Variants in RYR3 observed in about 807,000 individuals in gnomAD.
RYR3 encodes the protein ryanodine receptor 3.
RYR3 carries 207 observed loss-of-function variants against 584.3 expected under a neutral mutation model. The observed-to-expected ratio is 0.35, with a 90% CI of 0.32 to 0.40. The LOEUF (loss-of-function observed/expected upper bound fraction) is 0.40, where lower values mean the gene tolerates loss of function less well. RYR3 is among the 10% of genes least tolerant of loss of function. RYR3 has a pLI of 1.00. For synonymous variants in RYR3, 2,416 were observed against 2,248.5 expected (o/e 1.07, Z -2.11); for missense variants, 5,616 against 6,089.2 (o/e 0.92, Z 2.59).
rs762164986 is a variant in RYR3, at chr15:33,854,397, C to A, written c.13808C>A (p.Ser4603Tyr). The A allele has an allele frequency of 1.3e-6, 2 of 1,573,370 alleles. No individual in the cohort carries two copies. Among genetic ancestry groups the A allele is most frequent in the Non-Finnish European group, 1.7e-6 (2 of 1,157,636 alleles). ...EAASLVSWLS[S>Y]IDMKYHIWKL... ...CACTTGTTCTTCTCTAGGCTAAGTT[C>A]CATAGACATGAAGTACCATATCTGG... is the stretch of plus-strand genomic sequence containing the variant. Residue 4603 changes from serine (S) to tyrosine (Y), a missense_variant, in exon 97 of 104, where the codon TCC becomes TAC. Physicochemically the swap from Ser to Tyr is moderately radical, Grantham distance 144 (BLOSUM62 -2). This residue lies in a region of RYR3 where 918 missense variants were observed against 887.4 expected (regional missense o/e 1.03). Transcript: ENST00000634891.
intron 40 of RYR3, among the ~76,000 whole-genome samples, chr15:33,698,491 C>A (rs1334380354): frequency 1.3e-5 from 2 of 152,204 alleles, no homozygotes; most frequent in South Asian, 4.1e-4. Flanking sequence ...GCTCCTGTTG[C>A]TAAGGGGAGA....
At position 33,853,599 on chromosome 15, in the gene RYR3, T is replaced by A. The variant is rs773657599; in HGVS notation, c.13716T>A (p.Ala4572=). The part of the protein sequence containing the change: ...YGDLYGAERI[A]ELLGLDKNAL... Reference sequence around the variant, plus strand: ...ATCTCTACGGAGCAGAACGCATTGCTGAACTTCTGGGTTTGGACAAAAATG... The same window carrying A: ...ATCTCTACGGAGCAGAACGCATTGCAGAACTTCTGGGTTTGGACAAAAATG... Residue 4572 remains alanine (A), a synonymous_variant, in exon 96 of 104, where the codon GCT becomes GCA. Coordinates refer to ENST00000634891, the MANE Select transcript of RYR3 (RefSeq NM_001036.6). 107 of 1,613,900 alleles carry A rather than the reference T, an allele frequency of 6.6e-5. No homozygotes were observed. The highest frequency in any genetic ancestry group is 8.2e-5 in the Non-Finnish European group (97 of 1,179,902).
At chr15:33,709,397 G>T (rs1232295134) in intron 43 of RYR3, among the ~76,000 whole-genome samples, 9 of 152,220 alleles carry the variant, frequency 5.9e-5, no homozygotes, top group Admixed American at 5.9e-4. Flanking sequence ...TTGAGAAGCA[G>T]CATGTACAGT....
chr15:33,677,589 C>T (rs2064270377), intron 38 of RYR3, among the ~76,000 whole-genome samples: 1 of 152,168 alleles, frequency 6.6e-6, no homozygotes, highest in Non-Finnish European at 1.5e-5. Context: ...CCTTGGGACT[C>T]TAGAGCAGGA....
At chr15:33,857,660 C>T in intron 98 of RYR3, 120 bp from the exon 99 acceptor site, 1 of 1,260,920 alleles carries the variant, frequency 7.9e-7, no homozygotes, top group Non-Finnish European at 1.1e-6. Context: ...TCCACCCCTT[C>T]CCCATTTCCT....
At chr15:33,602,586 T>C (rs1328215932) in intron 17 of RYR3, among the ~76,000 whole-genome samples, 1 of 152,152 alleles carries the variant, frequency 6.6e-6, no homozygotes, top group Non-Finnish European at 1.5e-5. Context: ...TTCAGCATCG[T>C]TGCCCATGGT....
intron 1 of RYR3, among the ~76,000 whole-genome samples, chr15:33,446,230 A>C (rs532862198): frequency 6.6e-6 from 1 of 152,222 alleles, no homozygotes. Flanking sequence ...CGCAAGGACC[A>C]GGCAAGAGAT....
rs562159962 is a variant in RYR3, at chr15:33,337,712, T to C, written c.51+26616T>C. Among the ~76,000 whole-genome samples the C allele has an allele frequency of 4.0e-4, 61 of 152,224 alleles. No homozygotes were observed. In the South Asian group the frequency reaches 0.012, roughly 30 times the overall value. ...CACTTTGGAAAATAACCTGATAACA[T>C]GGTGAAGTTGAATATACACATTTCC... is the stretch of plus-strand genomic sequence containing the variant. On this transcript the variant is annotated intron_variant, in intron 1 of 103. Coordinates refer to ENST00000634891, the MANE Select transcript of RYR3 (RefSeq NM_001036.6).
rs549237726 is a variant in RYR3, at chr15:33,775,552, G to T, written c.9137+1937G>T. Among the ~76,000 whole-genome samples, 59 of 152,298 alleles carry T rather than the reference G, an allele frequency of 3.9e-4. 1 individual carries two copies. In the South Asian group the frequency reaches 0.012, roughly 31 times the overall value. Reference sequence around the variant, plus strand: ...AGGTGAGAGGTTGGTGAAACTCAGTGCATCCTAGAGTCATAAGACTTGTGT... The same window carrying T: ...AGGTGAGAGGTTGGTGAAACTCAGTTCATCCTAGAGTCATAAGACTTGTGT... On this transcript the variant is annotated intron_variant, in intron 64 of 103. Transcript: ENST00000634891.
intron 4 of RYR3, among the ~76,000 whole-genome samples, chr15:33,532,056 C>T (rs1595472598): frequency 6.6e-6 from 1 of 152,188 alleles, no homozygotes; most frequent in East Asian, 1.9e-4. Flanking sequence ...TACTGGCTAG[C>T]TCCTTTTAAG....
At chr15:33,479,904 G>A (rs1299712245) in intron 2 of RYR3, among the ~76,000 whole-genome samples, 4 of 152,146 alleles carry the variant, frequency 2.6e-5, no homozygotes, top group Non-Finnish European at 4.4e-5. Flanking sequence ...AAATGCAAAT[G>A]CTTTGAGTGA....
intron 84 of RYR3, among the ~76,000 whole-genome samples, chr15:33,826,960 C>G (rs1033601885): frequency 2.0e-5 from 3 of 152,226 alleles, no homozygotes; most frequent in African/African-American, 7.2e-5. Flanking sequence ...GATGAGAAAT[C>G]TAAATACCCA....
intron 60 of RYR3, among the ~76,000 whole-genome samples, chr15:33,763,904 A>AACAAAAAAAAAAAAAAC (rs2072747458): frequency 3.8e-5 from 5 of 130,648 alleles, no homozygotes; most frequent in African/African-American, 1.6e-4. Flanking sequence ...AAAAAAAAAA[A>AACAAAAAAAAAAAAAAC]AAAAAAAAAA....
At chr15:33,625,630 G>T (rs951443) in intron 20 of RYR3, among the ~76,000 whole-genome samples, 20,278 of 152,168 alleles carry the variant, frequency 0.13, 1,763 homozygotes, top group East Asian at 0.41. Context: ...AAGGAATGTG[G>T]CTCAGGGAGG....
intron 3 of RYR3, among the ~76,000 whole-genome samples, chr15:33,512,878 CA>C (rs1228139650): frequency 6.6e-6 from 1 of 152,154 alleles, no homozygotes; most frequent in African/African-American, 2.4e-5. Flanking sequence ...TTCTCCAGGA[CA>C]CAATCTGTAG....
intron 74 of RYR3, chr15:33,816,072 C>T: frequency 5.1e-6 from 2 of 392,634 alleles, no homozygotes; most frequent in Non-Finnish European, 9.0e-6. Context: ...AGAAAGATGG[C>T]AAGGGCTGTG....
intron 10 of RYR3, among the ~76,000 whole-genome samples, chr15:33,557,145 A>G (rs1487073965): frequency 1.3e-5 from 2 of 151,910 alleles, no homozygotes; most frequent in Non-Finnish European, 2.9e-5. Context: ...ACTTACAACT[A>G]TGTGGCTTTG....
At chr15:33,628,450 C>T in intron 20 of RYR3, 21 bp from the exon 21 acceptor site, 1 of 1,519,358 alleles carries the variant, frequency 6.6e-7, no homozygotes, top group Non-Finnish European at 9.1e-7. Flanking sequence ...CGATTCTTTT[C>T]ACTTGCTCCT....
At chr15:33,729,436 G>A (rs1407263462) in intron 47 of RYR3, among the ~76,000 whole-genome samples, 3 of 152,050 alleles carry the variant, frequency 2.0e-5, no homozygotes, top group Non-Finnish European at 2.9e-5. Flanking sequence ...TGGTGAGACC[G>A]TGTCTCTATT....
Sources: allele counts gnomAD v4.1 joint callset (sites outside exome capture counted in the v4.1 genomes callset), GRCh38; gene constraint gnomAD v4.1.1; regional missense constraint gnomAD v4.1.1; transcripts MANE v1.5; gene names NCBI Gene and HGNC (gene_info 2026-07-23, HGNC 2026-07-21).